Variants in RFX4 observed in about 807,000 individuals in gnomAD.
RFX4 encodes the protein regulatory factor X4, also known as transcription factor RFX4.
RFX4 carries 10 observed loss-of-function variants against 95.0 expected under a neutral mutation model. That is an observed-to-expected ratio of 0.11 (90% CI 0.06 to 0.18). The LOEUF is 0.18. Ranked by LOEUF, RFX4 falls within the 10% of genes least tolerant of loss-of-function variation. The probability of loss-of-function intolerance (pLI) is 1.00; values close to 1 mark genes in which losing one functional copy is unlikely to be tolerated. For missense variants in RFX4, 640 were observed against 922.0 expected (o/e 0.69, Z 3.96); for synonymous variants, 321 against 340.7 (o/e 0.94, Z 0.64).
chr12:106,697,613 C>G (rs80340892), intron 8 of RFX4, among the ~76,000 whole-genome samples: 2,739 of 152,142 alleles, frequency 0.018, 44 homozygotes, highest in Middle Eastern at 0.048. Flanking sequence ...CTTACTGAGG[C>G]TCTAAGGGAG....
intron 15 of RFX4, among the ~76,000 whole-genome samples, chr12:106,746,938 A>G (rs1465594025): frequency 6.6e-6 from 1 of 151,950 alleles, no homozygotes; most frequent in African/African-American, 2.4e-5. Context: ...GGCAGTCAGG[A>G]TCTGTACTAA....
In RFX4 at chr12:106,733,096, GT is replaced by G. The variant is rs1478396060; in HGVS notation, c.1633+12del. ...GCCTCAGCACTACAGGTAATGGAAA[GT>G]CCTTCAAAAACTTTGGGTAGTTAAT... On this transcript the variant is annotated intron_variant, in intron 15 of 17. Coordinates refer to ENST00000392842, the MANE Select transcript of RFX4 (RefSeq NM_213594.3). 1 of 1,613,636 alleles carries G rather than the reference GT, an allele frequency of 6.2e-7. No homozygotes were observed. The highest frequency in any genetic ancestry group is 2.2e-5 in the East Asian group (1 of 44,864).
At chr12:106,646,494 G>T (rs1446208985) in intron 3 of RFX4, among the ~76,000 whole-genome samples, 2 of 142,710 alleles carry the variant, frequency 1.4e-5, no homozygotes, top group South Asian at 4.5e-4. Flanking sequence ...TGAGCTGAGA[G>T]ATTCCAGAAG....
chr12:106,711,810 A>C (rs1038614665), intron 10 of RFX4, among the ~76,000 whole-genome samples: 3 of 152,238 alleles, frequency 2.0e-5, no homozygotes, highest in South Asian at 2.1e-4. Context: ...CAAATGATTC[A>C]AACAGATTAA....
intron 3 of RFX4, among the ~76,000 whole-genome samples, chr12:106,641,398 T>C (rs1455893220): frequency 6.6e-6 from 1 of 152,124 alleles, no homozygotes; most frequent in Non-Finnish European, 1.5e-5. Flanking sequence ...AAATGAGTTG[T>C]TCTATAGAAG....
chr12:106,630,986 C>T (rs1320889040), intron 2 of RFX4, among the ~76,000 whole-genome samples: 1 of 152,230 alleles, frequency 6.6e-6, no homozygotes, highest in Non-Finnish European at 1.5e-5. Context: ...CTGCCACTCA[C>T]TATGTGACCT....
At chr12:106,633,977 G>T (rs1328865666) in intron 2 of RFX4, among the ~76,000 whole-genome samples, 3 of 152,106 alleles carry the variant, frequency 2.0e-5, no homozygotes, top group Non-Finnish European at 4.4e-5. Context: ...AAATGAACAG[G>T]GCAGGTTACA....
intron 2 of RFX4, among the ~76,000 whole-genome samples, chr12:106,611,805 C>T (rs992080680): frequency 6.6e-6 from 1 of 152,198 alleles, no homozygotes; most frequent in African/African-American, 2.4e-5. Flanking sequence ...GCCACTGTGC[C>T]TGCTGTAGTC....
chr12:106,673,382 C>T (rs1882543), intron 4 of RFX4, among the ~76,000 whole-genome samples: 53,502 of 152,012 alleles, frequency 0.35, 9,496 homozygotes, highest in South Asian at 0.38. Context: ...GTCCCACTTC[C>T]GGCTGGTGAA....
At chr12:106,646,431 C>CAAAAAA (rs56305939) in intron 3 of RFX4, among the ~76,000 whole-genome samples, 7 of 66,240 alleles carry the variant, frequency 1.1e-4, no homozygotes, top group Non-Finnish European at 1.7e-4. Context: ...TAGTTTTATC[C>CAAAAAA]AAAAAAAAAA....
At chr12:106,678,869 A>C (rs1213249691) in intron 4 of RFX4, among the ~76,000 whole-genome samples, 1 of 152,212 alleles carries the variant, frequency 6.6e-6, no homozygotes, top group Non-Finnish European at 1.5e-5. Context: ...GTGTATATAT[A>C]CTATCATGTT....
chr12:106,710,699 T>C (rs1374510409), intron 9 of RFX4, among the ~76,000 whole-genome samples: 2 of 152,216 alleles, frequency 1.3e-5, no homozygotes, highest in African/African-American at 4.8e-5. Flanking sequence ...TGGAGGAAGC[T>C]GTTCTTCCCA....
At chr12:106,611,016 T>C (rs1259400609) in intron 2 of RFX4, among the ~76,000 whole-genome samples, 3 of 152,214 alleles carry the variant, frequency 2.0e-5, no homozygotes, top group Non-Finnish European at 4.4e-5. Flanking sequence ...GCCATTCTAA[T>C]GAATATAAAA....
intron 1 of RFX4, among the ~76,000 whole-genome samples, chr12:106,600,401 G>A (rs77330491): frequency 0.044 from 6,604 of 149,442 alleles, 475 homozygotes; most frequent in African/African-American, 0.15. Flanking sequence ...TTTTTCTCTC[G>A]CGTGGCACTC....
chr12:106,610,237 CAAAAAA>C (rs398044781), intron 2 of RFX4, among the ~76,000 whole-genome samples: 1 of 77,496 alleles, frequency 1.3e-5, no homozygotes, highest in Non-Finnish European at 2.7e-5. Context: ...GACTCCATCT[CAAAAAA>C]AAAAAAAAAA....
intron 1 of RFX4, among the ~76,000 whole-genome samples, chr12:106,584,374 G>A (rs966635957): frequency 6.6e-6 from 1 of 152,150 alleles, no homozygotes; most frequent in African/African-American, 2.4e-5. Context: ...GCCCCCTGCA[G>A]CCTCAGAATT....
At chr12:106,695,908 A>T (rs1389186695) in intron 7 of RFX4, among the ~76,000 whole-genome samples, 1 of 152,192 alleles carries the variant, frequency 6.6e-6, no homozygotes, top group Non-Finnish European at 1.5e-5. Context: ...CTCAAAGAAT[A>T]GTGAGTACTA....
chr12:106,732,122 T>C lies in RFX4; in HGVS notation c.1352-8T>C, dbSNP rs373842329. ...ACTTACTTTCTGTTTGATCCTTTTT[T>C]TCACCAGGGTCTTTTCACCTAATTC... On this transcript the variant is annotated splice_polypyrimidine_tract_variant and splice_region_variant and intron_variant, in intron 13 of 17. Transcript: ENST00000392842. 2.0e-5 allele frequency: 33 copies of C among 1,612,566 alleles called. 1 individual carries two copies. The Middle Eastern group carries it at 8.2e-4, about 40-fold the overall frequency.
chr12:106,689,368 G>C lies in RFX4; in HGVS notation c.669+4G>C. The C allele has an allele frequency of 6.2e-7, 1 of 1,605,532 alleles. No homozygotes were observed. The highest frequency in any genetic ancestry group is 1.1e-5 in the South Asian group (1 of 90,906). ...AATAAGAGCCAACTTTGATGAGGTA[G>C]GTCAACAAGGGTTGAGCTGTGAATA... On this transcript the variant is annotated splice_donor_region_variant and intron_variant, in intron 7 of 17. Transcript: ENST00000392842.
Sources: allele counts gnomAD v4.1 joint callset (sites outside exome capture counted in the v4.1 genomes callset), GRCh38; gene constraint gnomAD v4.1.1; transcripts MANE v1.5; gene names NCBI Gene and HGNC (gene_info 2026-07-23, HGNC 2026-07-21).